Variants in STX4 observed in about 807,000 individuals in gnomAD.
STX4 encodes the protein syntaxin-4.
STX4 carries 24 observed loss-of-function variants against 41.8 expected under a neutral mutation model. The observed-to-expected ratio is 0.57, with a 90% CI of 0.42 to 0.81. STX4 has a LOEUF of 0.81. STX4 is among the 30% of genes least tolerant of loss of function. The pLI is 0.00. For synonymous variants in STX4, 158 were observed against 156.4 expected, an observed-to-expected ratio of 1.01 and a Z score of -0.08; for missense variants, 316 against 389.9, an observed-to-expected ratio of 0.81 and a Z score of 1.60.
intron 5 of STX4, among the ~76,000 whole-genome samples, chr16:31,037,053 G>GCCCC (rs762041040): frequency 1.6e-4 from 7 of 44,162 alleles, no homozygotes; most frequent in South Asian, 1.8e-3. Flanking sequence ...AATATAGTGA[G>GCCCC]ACCCCCCCCC....
chr16:31,038,567 A>G lies in STX4; in HGVS notation c.622A>G (p.Ser208Gly). ...CTTAAATGAGATCTCGGCCCGGCAC[A>G]GTGAGATCCAGCAGCTTGAACGCAG... ...QALNEISARH[S>G]EIQQLERSIR... Residue 208 changes from serine (S) to glycine (G), a missense_variant, in exon 8 of 11, where the codon AGT becomes GGT. Ser to Gly is a moderately conservative substitution (Grantham distance 56, BLOSUM62 0). Coordinates refer to ENST00000313843, the MANE Select transcript of STX4 (RefSeq NM_004604.5). 5 of 1,614,116 alleles carry G rather than the reference A, an allele frequency of 3.1e-6. No homozygotes were observed. The highest frequency in any genetic ancestry group is 4.2e-6 in the Non-Finnish European group (5 of 1,180,028).
intron 8 of STX4, 63 bp downstream of exon 8, chr16:31,038,710 C>T (rs1003857170): frequency 6.9e-6 from 11 of 1,588,682 alleles, no homozygotes; most frequent in East Asian, 2.3e-5. Flanking sequence ...AGCCTCCCGC[C>T]ACCCTTAGAT....
At position 31,034,075 on chromosome 16, in the gene STX4, G is replaced by T; in HGVS notation, c.93G>T (p.Thr31=). The change falls in exon 2 of 11, where the codon ACG becomes ACT. Residue 31 remains threonine, a synonymous_variant. Transcript: ENST00000313843. Reference sequence around the variant, plus strand: ...TCGCGCTGGTGGTGCACCCGGGCACGGCACGGCTGGGGAGCCCGGACGAGG... The same window carrying T: ...TCGCGCTGGTGGTGCACCCGGGCACTGCACGGCTGGGGAGCCCGGACGAGG... ...ERVALVVHPG[T]ARLGSPDEEF... 1 of 1,610,144 alleles carries T rather than the reference G, an allele frequency of 6.2e-7. No homozygotes were observed. The highest frequency in any genetic ancestry group is 8.5e-7 in the Non-Finnish European group (1 of 1,177,508).
intron 8 of STX4, 44 bp downstream of exon 8, chr16:31,038,691 C>A: frequency 6.2e-7 from 1 of 1,604,792 alleles, no homozygotes; most frequent in Non-Finnish European, 8.5e-7. Context: ...AGGCTCAGTC[C>A]AAACTGCCAG....
chr16:31,034,474 A>G lies in STX4; in HGVS notation c.245A>G (p.Glu82Gly). 6.2e-7 allele frequency: 1 copy of G among 1,604,124 alleles called. No homozygotes were observed. The highest frequency in any genetic ancestry group is 1.1e-5 in the South Asian group (1 of 90,098). ...TTCTCTTATTCAGGCATGAAGCAGGAGCTGCAGAACCTGCGCGATGAGATC... is the reference window on the plus strand; with the variant it reads ...TTCTCTTATTCAGGCATGAAGCAGGGGCTGCAGAACCTGCGCGATGAGATC... ...TPLPEESMKQELQNLRDEIKQ... is the reference protein window; with the variant it reads ...TPLPEESMKQGLQNLRDEIKQ... The change falls in exon 4 of 11, where the codon GAG (glutamate) becomes GGG (glycine). Residue 82 changes from glutamate to glycine, a missense_variant. Transcript: ENST00000313843.
At chr16:31,033,557 G>A (rs1046618874), upstream of STX4, 8 of 1,546,556 alleles carry the variant, frequency 5.2e-6, 1 homozygote, top group South Asian at 9.5e-5. This position sits in a 1 kb window ranked among gnomAD's most constrained non-coding sequence, Gnocchi z 5.5. Flanking sequence ...GGAGGGGCGG[G>A]GCTGAGGCTG....
chr16:31,039,401 C>T lies in STX4; in HGVS notation c.703-140C>T. The stretch of plus-strand genomic sequence containing the variant: ...GGCCTGGAAGCCATCCCCAAGGAGT[C>T]TGAACTTTTGTCAGATCAAGTCTTG... On this transcript the variant is annotated intron_variant, in intron 8 of 10. Transcript: ENST00000313843. The surrounding 1 kb of genome is among the most constrained non-coding windows in gnomAD (Gnocchi z 4.1). 1.3e-6 allele frequency: 1 copy of T among 775,302 alleles called. No homozygotes were observed. Among genetic ancestry groups the T allele is most frequent in the Non-Finnish European group, 2.1e-6 (1 of 485,220 alleles). 48.0% of individuals were successfully genotyped at this position (775,302 alleles called of 1,614,324 possible). A position where few individuals can be genotyped will look rare whatever the true frequency, so the allele number is the denominator to read the frequency against.
At chr16:31,034,137 TGGATTCGCGAGGGTGTAGGA>T in intron 2 of STX4, 23 bp downstream of exon 2, 5 of 1,608,056 alleles carry the variant, frequency 3.1e-6, no homozygotes, top group Non-Finnish European at 3.4e-6. Flanking sequence ...GGTCTCCGCC[TGGATTCGCGAGGGTGTAGGA>T]GGACCCGAGG....
At chr16:31,036,149 G>A (rs74895609) in intron 5 of STX4, among the ~76,000 whole-genome samples, 2,682 of 152,152 alleles carry the variant, frequency 0.018, 45 homozygotes, top group Non-Finnish European at 0.027. Context: ...CAGTGAGGAG[G>A]ATACCAGGAG....
In STX4 at chr16:31,033,752, C is replaced by T. The variant is rs2143712731; in HGVS notation, c.-54C>T. ...AGAGTGTGAGCGGGGTACGGGAATT[C>T]CAAATTTGAGGGCCTCCCGGCTCTG... On this transcript the variant is annotated 5_prime_UTR_variant, in exon 1 of 11. Transcript: ENST00000313843. This position sits in a 1 kb window ranked among gnomAD's most constrained non-coding sequence, Gnocchi z 5.5. 6.9e-7 allele frequency: 1 copy of T among 1,450,866 alleles called. No homozygotes were observed. The highest frequency in any genetic ancestry group is 2.5e-5 in the East Asian group (1 of 39,632). The allele number at this position is 1,450,866 out of a possible 1,614,324, so 89.9% of individuals were successfully genotyped here.
At chr16:31,033,336 C>T, upstream of STX4, 3 of 785,868 alleles carry the variant, frequency 3.8e-6, no homozygotes, top group South Asian at 4.4e-5. This position sits in a 1 kb window ranked among gnomAD's most constrained non-coding sequence, Gnocchi z 5.5. Context: ...ATGTGAGATG[C>T]GGGTGTCTCG....
At chr16:31,033,186 C>A (rs2056767911), upstream of STX4, 6 of 599,658 alleles carry the variant, frequency 1.0e-5, no homozygotes, top group Non-Finnish European at 1.9e-5. This position sits in a 1 kb window ranked among gnomAD's most constrained non-coding sequence, Gnocchi z 5.5. Flanking sequence ...GTTGGGGTGC[C>A]GGGGACGTCG....
chr16:31,033,372 AC>A (rs747885089), upstream of STX4: 43 of 966,722 alleles, frequency 4.4e-5, no homozygotes, highest in African/African-American at 6.5e-5. This position sits in a 1 kb window ranked among gnomAD's most constrained non-coding sequence, Gnocchi z 5.5. Context: ...ACGTATTCCT[AC>A]CCCTTTTGGC....
intron 5 of STX4, among the ~76,000 whole-genome samples, chr16:31,037,054 A>ACCC (rs35642358): frequency 0.12 from 11,599 of 100,520 alleles, 1,158 homozygotes; most frequent in South Asian, 0.42. Flanking sequence ...ATATAGTGAG[A>ACCC]CCCCCCCCCC....
intron 7 of STX4, 74 bp downstream of exon 7, chr16:31,038,264 T>C: frequency 6.4e-7 from 1 of 1,566,500 alleles, no homozygotes; most frequent in East Asian, 2.3e-5. Context: ...CTCGACCTCC[T>C]GGGCTCAGGT....
intron 4 of STX4, 196 bp from the exon 5 acceptor site, chr16:31,034,774 G>A: frequency 1.5e-6 from 1 of 676,614 alleles, no homozygotes; most frequent in Non-Finnish European, 2.4e-6. Flanking sequence ...TGCCCACTGG[G>A]CATTCTTTGG....
chr16:31,038,496 T>A lies in STX4; in HGVS notation c.565-14T>A. On this transcript the variant is annotated splice_polypyrimidine_tract_variant and intron_variant, in intron 7 of 10. Coordinates refer to ENST00000313843, the MANE Select transcript of STX4 (RefSeq NM_004604.5). The stretch of plus-strand genomic sequence containing the variant: ...TCCCTGTGAACAGTTGCCCCACTCC[T>A]GTCCACCCCCCAGATCCTGAAGGAC... The A allele has an allele frequency of 6.2e-7, 1 of 1,613,958 alleles. No individual in the cohort carries two copies. Among genetic ancestry groups the A allele is most frequent in the Non-Finnish European group, 8.5e-7 (1 of 1,179,888 alleles).
upstream of STX4, chr16:31,033,547 G>A: frequency 6.5e-7 from 1 of 1,548,690 alleles, no homozygotes; most frequent in Non-Finnish European, 8.7e-7. The surrounding 1 kb of genome is among the most constrained non-coding windows in gnomAD (Gnocchi z 5.5). Flanking sequence ...AATTTATCAC[G>A]GAGGGGCGGG....
chr16:31,034,344 G>A lies in STX4; in HGVS notation c.232+19G>A. On this transcript the variant is annotated intron_variant, in intron 3 of 10. Coordinates refer to ENST00000313843, the MANE Select transcript of STX4 (RefSeq NM_004604.5). ...GAGGAGAGTGAGTGAAACCCCGGCT[G>A]CAGGGCGCATGCTCCGCCCCAGGGA... 1.2e-6 allele frequency: 2 copies of A among 1,613,818 alleles called. No individual in the cohort carries two copies. The highest frequency in any genetic ancestry group is 1.7e-4 in the Middle Eastern group (1 of 6,056).
Sources: allele counts gnomAD v4.1 joint callset (sites outside exome capture counted in the v4.1 genomes callset), GRCh38; gene constraint gnomAD v4.1.1; non-coding constraint Gnocchi (gnomAD v3.1); transcripts MANE v1.5; gene names NCBI Gene and HGNC (gene_info 2026-07-23, HGNC 2026-07-21).